The following AGTRAP variants were observed in gnomAD, a reference collection of about 807,000 sequenced individuals.
AGTRAP encodes angiotensin II receptor associated protein, also known as type-1 angiotensin II receptor-associated protein.
In AGTRAP, 7 loss-of-function variants were observed where a neutral mutation model predicts 15.2. The observed-to-expected ratio is 0.46, with a 90% CI of 0.26 to 0.87. The LOEUF is 0.87. Among genes scored for constraint, AGTRAP ranks in the 40% least tolerant of loss-of-function variants. AGTRAP has a pLI of 0.15. For synonymous variants in AGTRAP, 74 were observed against 89.6 expected, an observed-to-expected ratio of 0.83 and a Z score of 0.98; for missense variants, 187 against 213.4, an observed-to-expected ratio of 0.88 and a Z score of 0.77.
At chr1:11,749,955 T>C (rs371237960) in intron 4 of AGTRAP, 122 bp from the exon 5 acceptor site, 1 of 690,486 alleles carries the variant, frequency 1.4e-6, no homozygotes, top group Non-Finnish European at 2.6e-6. Flanking sequence ...CCTCTGTCTC[T>C]GTGCATGGTG....
At chr1:11,742,428 TTTCCCTTCC>T (rs1455104342) in intron 1 of AGTRAP, among the ~76,000 whole-genome samples, 2 of 147,160 alleles carry the variant, frequency 1.4e-5, no homozygotes, top group Admixed American at 6.8e-5. Context: ...CTTTCCCTTC[TTTCCCTTCC>T]TTCGTTCCTT....
At chr1:11,742,892 G>A (rs555425271) in intron 1 of AGTRAP, among the ~76,000 whole-genome samples, 61 of 152,236 alleles carry the variant, frequency 4.0e-4, no homozygotes, top group Non-Finnish European at 7.2e-4. Flanking sequence ...CAGAAACCCC[G>A]GCCTTCTTCG....
chr1:11,748,476 C>T lies in AGTRAP; in HGVS notation c.230C>T (p.Pro77Leu), dbSNP rs1259685768. Residue 77 changes from proline (P) to leucine (L), a missense_variant, in exon 4 of 5, where the codon CCG (proline) becomes CTG (leucine). Pro to Leu is a moderately conservative substitution (Grantham distance 98). Coordinates refer to ENST00000314340, the MANE Select transcript of AGTRAP (RefSeq NM_020350.5). ...ATCGTGCACATCAGCATCTTCTACC[C>T]GCGGGTCAGCCTCACGGACACGGGC... ...LDIVHISIFY[P>L]RVSLTDTGRF... is the part of the protein sequence containing the mutation. The T allele has an allele frequency of 5.0e-6, 8 of 1,613,824 alleles. No homozygotes were observed. The highest frequency in any genetic ancestry group is 2.2e-5 in the East Asian group (1 of 44,876).
At chr1:11,739,716 G>A (rs373309518) in intron 1 of AGTRAP, among the ~76,000 whole-genome samples, 1 of 152,242 alleles carries the variant, frequency 6.6e-6, no homozygotes, top group Non-Finnish European at 1.5e-5. Context: ...GCAGTGCAGT[G>A]TAGATGCATG....
At chr1:11,746,623 A>G (rs995524775) in intron 2 of AGTRAP, 1 of 177,476 alleles carries the variant, frequency 5.6e-6, no homozygotes, top group Non-Finnish European at 1.2e-5. Flanking sequence ...TCCCAGCCCC[A>G]CTGCTCAGCA....
In AGTRAP at chr1:11,750,104, G is replaced by C; in HGVS notation, c.392G>C (p.Ser131Thr). Residue 131 changes from serine to threonine, a missense_variant, in exon 5 of 5, where the codon AGT becomes ACT. By Grantham distance (58) the Ser-to-Thr change is moderately conservative. Transcript: ENST00000314340. ...TTCCTTGGGTCTTCTCAGGACCGTA[G>C]TGCCTACCAGACGATTGACTCAGCA... is the stretch of plus-strand genomic sequence containing the variant. ...TGFLGSSQDR[S>T]AYQTIDSAEA... 1 of 1,614,042 alleles carries C rather than the reference G, an allele frequency of 6.2e-7. No homozygotes were observed. Among genetic ancestry groups the C allele is most frequent in the Non-Finnish European group, 8.5e-7 (1 of 1,180,008 alleles).
At chr1:11,748,014 G>A (rs1456227176) in intron 3 of AGTRAP, among the ~76,000 whole-genome samples, 1 of 152,168 alleles carries the variant, frequency 6.6e-6, no homozygotes, top group African/African-American at 2.4e-5. Context: ...GTGGGGCAGT[G>A]AGCACTCCCG....
chr1:11,740,748 T>G (rs949960082), intron 1 of AGTRAP, among the ~76,000 whole-genome samples: 1 of 152,180 alleles, frequency 6.6e-6, no homozygotes, highest in Non-Finnish European at 1.5e-5. Context: ...ACCTACTCTG[T>G]GTACAGTCTA....
At chr1:11,749,663 G>A (rs927398295) in intron 4 of AGTRAP, among the ~76,000 whole-genome samples, 2 of 152,274 alleles carry the variant, frequency 1.3e-5, no homozygotes, top group Middle Eastern at 3.4e-3. Flanking sequence ...AGAGGAGTGC[G>A]TGGGCCCGGG....
chr1:11,742,434 T>C (rs909199344), intron 1 of AGTRAP, among the ~76,000 whole-genome samples: 1 of 140,572 alleles, frequency 7.1e-6, no homozygotes, highest in Admixed American at 7.1e-5. Flanking sequence ...CTTCTTTCCC[T>C]TCCTTCGTTC....
At chr1:11,737,866 C>T (rs1166146376) in intron 1 of AGTRAP, among the ~76,000 whole-genome samples, 5 of 152,128 alleles carry the variant, frequency 3.3e-5, no homozygotes, top group African/African-American at 1.2e-4. Context: ...CCCCAGTCTC[C>T]AAGGGTGTTA....
chr1:11,736,524 G>A lies in AGTRAP; in HGVS notation c.27+289G>A, dbSNP rs537291496. On this transcript the variant is annotated intron_variant, in intron 1 of 4. Coordinates refer to ENST00000314340, the MANE Select transcript of AGTRAP (RefSeq NM_020350.5). Reference sequence around the variant, plus strand: ...CTCCCAGCGGGCAGCGCCGGTCCCAGCATTGCTGTTGCCTGCACGCCCAGA... The same window carrying A: ...CTCCCAGCGGGCAGCGCCGGTCCCAACATTGCTGTTGCCTGCACGCCCAGA... Among the ~76,000 whole-genome samples the A allele has an allele frequency of 2.0e-5, 3 of 152,212 alleles. No individual in the cohort carries two copies. The South Asian group carries it at 6.2e-4, about 32-fold the overall frequency.
At chr1:11,736,755 C>A (rs764972572) in intron 1 of AGTRAP, among the ~76,000 whole-genome samples, 4 of 152,358 alleles carry the variant, frequency 2.6e-5, no homozygotes, top group Non-Finnish European at 5.9e-5. Context: ...ATTTCATAAT[C>A]AAGAAGCGCG....
At position 11,750,199 on chromosome 1, in the gene AGTRAP, C is replaced by A. The variant is rs779364278; in HGVS notation, c.*7C>A. On this transcript the variant is annotated 3_prime_UTR_variant, in exon 5 of 5. Coordinates refer to ENST00000314340, the MANE Select transcript of AGTRAP (RefSeq NM_020350.5). Reference sequence around the variant, plus strand: ...AGATGCCCGAGGGTACTGAAGCCAGCCACGCTGCGCCCGGCCCTGCCCCGG... The same window carrying A: ...AGATGCCCGAGGGTACTGAAGCCAGACACGCTGCGCCCGGCCCTGCCCCGG... The A allele has an allele frequency of 6.8e-6, 11 of 1,608,272 alleles. No individual in the cohort carries two copies. The highest frequency in any genetic ancestry group is 1.7e-4 in the Middle Eastern group (1 of 6,060).
At chr1:11,746,957 G>T (rs1385333293) in intron 2 of AGTRAP, among the ~76,000 whole-genome samples, 11 of 152,186 alleles carry the variant, frequency 7.2e-5, no homozygotes. Flanking sequence ...CGAGTCTCAG[G>T]GTGAATGACA....
intron 4 of AGTRAP, among the ~76,000 whole-genome samples, chr1:11,749,240 CTCTCTCTCTCTTCCTT>C (rs1642253598): frequency 1.3e-5 from 2 of 152,230 alleles, no homozygotes; most frequent in African/African-American, 4.8e-5. Context: ...TCTCTGACAC[CTCTCTCTCTCTTCCTT>C]TCTCTCTCTC....
At position 11,750,337 on chromosome 1, in the gene AGTRAP, C is replaced by A. The variant is rs1344091995; in HGVS notation, c.*145C>A. 2 of 767,998 alleles carry A rather than the reference C, an allele frequency of 2.6e-6. No homozygotes were observed. The highest frequency in any genetic ancestry group is 4.5e-6 in the Non-Finnish European group (2 of 447,808). 47.6% of individuals were successfully genotyped at this position (767,998 alleles called of 1,614,324 possible). A position where few individuals can be genotyped will look rare whatever the true frequency, so the allele number is the denominator to read the frequency against. ...ATTGCCTGAACCAAGAGGCCAGGAG[C>A]CCCCATGGGCCGCCCAGTACCATGC... is the stretch of plus-strand genomic sequence containing the variant. On this transcript the variant is annotated 3_prime_UTR_variant, in exon 5 of 5. Transcript: ENST00000314340.
intron 1 of AGTRAP, among the ~76,000 whole-genome samples, chr1:11,743,820 C>T (rs1245458203): frequency 6.6e-6 from 1 of 152,062 alleles, no homozygotes; most frequent in Non-Finnish European, 1.5e-5. Flanking sequence ...CCCACCTCAG[C>T]CTCCCAAAGT....
At chr1:11,743,912 T>A (rs1642097078) in intron 1 of AGTRAP, among the ~76,000 whole-genome samples, 1 of 152,152 alleles carries the variant, frequency 6.6e-6, no homozygotes, top group African/African-American at 2.4e-5. Context: ...GCCTTGTTGA[T>A]GTCCCGGAGT....
Sources: gnomAD v4.1 joint callset for allele counts (sites outside exome capture counted in the v4.1 genomes callset) on GRCh38, gnomAD v4.1.1 for gene constraint, MANE v1.5 for transcripts, NCBI Gene and HGNC (gene_info 2026-07-23, HGNC 2026-07-21) for gene names.